The following ADGRG2 variants were observed in gnomAD, a reference collection of about 807,000 sequenced individuals.
ADGRG2 encodes the protein adhesion G protein-coupled receptor G2.
A neutral mutation model predicts 74.1 loss-of-function variants in ADGRG2; 26 were observed. That is an observed-to-expected ratio of 0.35 (90% CI 0.26 to 0.49). ADGRG2 has a LOEUF of 0.49. Ranked by LOEUF, ADGRG2 falls within the 20% of genes least tolerant of loss-of-function variation. ADGRG2 has a pLI of 0.99. For missense variants in ADGRG2, 619 were observed against 763.1 expected, an observed-to-expected ratio of 0.81 and a Z score of 2.22; for synonymous variants, 296 against 295.2, an observed-to-expected ratio of 1.00 and a Z score of -0.03.
rs1030749829 is a variant in ADGRG2, at chrX:18,990,751, A to T, written c.*113T>A. 4.9e-5 allele frequency: 25 copies of T among 512,170 alleles called. No homozygotes were observed. In the Admixed American group the frequency reaches 7.3e-4, roughly 15 times the overall value. 42.2% of individuals were successfully genotyped at this position (512,170 alleles called of 1,213,427 possible). ...GCCCTTAATTAGCTTATGCTTCTCC[A>T]GATGTTGCCGAGAATAAAATGAGTT... On this transcript the variant is annotated 3_prime_UTR_variant, in exon 29 of 29. Transcript: ENST00000379869.
intron 19 of ADGRG2, among the ~76,000 whole-genome samples, chrX:19,007,559 C>A (rs1271533653): frequency 8.9e-6 from 1 of 112,145 alleles, no homozygotes; most frequent in African/African-American, 3.2e-5. Flanking sequence ...AAATACTGAG[C>A]TAAAGCGCAC....
chrX:19,043,666 G>C (rs1184757822), intron 3 of ADGRG2, among the ~76,000 whole-genome samples: 2 of 110,263 alleles, frequency 1.8e-5, no homozygotes, highest in African/African-American at 6.6e-5. Context: ...GCAGGAGTTT[G>C]GCTTAGAATA....
chrX:19,102,910 C>G (rs912035995), intron 1 of ADGRG2, among the ~76,000 whole-genome samples: 1 of 111,606 alleles, frequency 9.0e-6, no homozygotes, highest in African/African-American at 3.3e-5. Context: ...TTAGACCACT[C>G]AATCTATGGT....
intron 1 of ADGRG2, among the ~76,000 whole-genome samples, chrX:19,112,988 CA>C (rs756477082): frequency 0.052 from 3,685 of 71,261 alleles, 204 homozygotes; most frequent in African/African-American, 0.16. Flanking sequence ...AAAAAAAAAC[CA>C]AAAAAAAAAA....
At chrX:19,105,700 C>T (rs760059316) in intron 1 of ADGRG2, among the ~76,000 whole-genome samples, 2 of 110,579 alleles carry the variant, frequency 1.8e-5, no homozygotes, top group Non-Finnish European at 3.8e-5. Context: ...GCACGTTCTG[C>T]ACATGTACCC....
At chrX:19,083,124 C>T (rs1289078949) in intron 1 of ADGRG2, among the ~76,000 whole-genome samples, 4 of 110,390 alleles carry the variant, frequency 3.6e-5, no homozygotes, top group African/African-American at 1.3e-4. Flanking sequence ...TGGCCTCAGC[C>T]TCCTGAGCAG....
chrX:19,083,504 G>C (rs2061888490), intron 1 of ADGRG2, among the ~76,000 whole-genome samples: 1 of 110,837 alleles, frequency 9.0e-6, no homozygotes, highest in African/African-American at 3.3e-5. Context: ...TAAACTCCTT[G>C]ATATCAAGGA....
At position 19,069,205 on chromosome X, in the gene ADGRG2, T is replaced by A. The variant is rs548766757; in HGVS notation, c.-1-370A>T. 6.3e-4 allele frequency among the ~76,000 whole-genome samples: 70 copies of A among 111,483 alleles called. 1 individual carries two copies. In the South Asian group the frequency reaches 9.8e-3, roughly 16 times the overall value. On this transcript the variant is annotated intron_variant, in intron 2 of 28. Coordinates refer to ENST00000379869, the MANE Select transcript of ADGRG2 (RefSeq NM_001079858.3). ...TCTATGTCATTTTTCCTTAAAAAAA[T>A]TTTTTTTTAAAGAGATAGGGTCTCG...
intron 1 of ADGRG2, among the ~76,000 whole-genome samples, chrX:19,085,921 T>C (rs190585253): frequency 3.0e-3 from 339 of 111,364 alleles, no homozygotes; most frequent in African/African-American, 0.01. Flanking sequence ...TCTACCTCAG[T>C]TAGAAAGGCC....
chrX:19,020,997 A>C, intron 14 of ADGRG2, 107 bp downstream of exon 14: 2 of 532,469 alleles, frequency 3.8e-6, no homozygotes, highest in Non-Finnish European at 3.2e-6. Context: ...AAAGGAGTCA[A>C]AACAGAAAGC....
intron 28 of ADGRG2, among the ~76,000 whole-genome samples, chrX:18,994,083 G>A (rs1256934375): frequency 8.9e-6 from 1 of 112,440 alleles, no homozygotes; most frequent in African/African-American, 3.2e-5. Context: ...ACCAATACTG[G>A]TCACAAGTCA....
In ADGRG2 at chrX:19,035,951, T is replaced by C. The variant is rs923044078; in HGVS notation, c.253A>G (p.Asn85Asp). The change falls in exon 7 of 29, where the codon AAC (asparagine) becomes GAC (aspartate). Residue 85 changes from asparagine (N) to aspartate (D), a missense_variant. Transcript: ENST00000379869. ...AATCACTTGATATTACCTGTTTCGT[T>C]TGAAGGGAGTAAGCTTAAAGTAACA... ...NDVTLSLLPS[N>D]ETEKTKITIV... 1 of 990,304 alleles carries C rather than the reference T, an allele frequency of 1.0e-6. No homozygotes were observed. The highest frequency in any genetic ancestry group is 1.4e-6 in the Non-Finnish European group (1 of 705,164). The allele number at this position is 990,304 out of a possible 1,213,427, so 81.6% of individuals were successfully genotyped here.
At chrX:19,069,413 G>A (rs2061617100) in intron 2 of ADGRG2, among the ~76,000 whole-genome samples, 1 of 110,713 alleles carries the variant, frequency 9.0e-6, no homozygotes, top group Non-Finnish European at 1.9e-5. Context: ...TACTGTAAAA[G>A]GATAAGTGAT....
At position 18,998,946 on chromosome X, in the gene ADGRG2, T is replaced by G; in HGVS notation, c.2614+50A>C. The G allele has an allele frequency of 2.9e-6, 3 of 1,031,942 alleles. No individual in the cohort carries two copies. In the South Asian group the frequency reaches 6.6e-5, roughly 23 times the overall value. 85.0% of individuals were successfully genotyped at this position (1,031,942 alleles called of 1,213,427 possible). A position where few individuals can be genotyped will look rare whatever the true frequency, so the allele number is the denominator to read the frequency against. ...CTGTACTCTTTTAGTAGCTACATTT[T>G]TATATTCAACTGGGATCATTCAGTT... On this transcript the variant is annotated intron_variant, in intron 26 of 28. Coordinates refer to ENST00000379869, the MANE Select transcript of ADGRG2 (RefSeq NM_001079858.3).
chrX:19,102,256 T>C (rs950767254), intron 1 of ADGRG2, among the ~76,000 whole-genome samples: 1 of 109,947 alleles, frequency 9.1e-6, no homozygotes, highest in Non-Finnish European at 1.9e-5. Context: ...ACATCACTCA[T>C]AGATGCAAAA....
In ADGRG2 at chrX:19,008,117, G is replaced by A; in HGVS notation, c.1429C>T (p.Leu477=). The A allele has an allele frequency of 8.5e-7, 1 of 1,173,445 alleles. No individual in the cohort carries two copies. The highest frequency in any genetic ancestry group is 1.1e-6 in the Non-Finnish European group (1 of 870,948). The change falls in exon 19 of 29, where the codon CTG becomes TTG. Residue 477 remains leucine, a synonymous_variant. Transcript: ENST00000379869. ...CTGTTCTCAGGAGCTTGGGTTTCCAGAGAAACCTGAAAATCAAGTGGAAGA... is the reference window on the plus strand; with the variant it reads ...CTGTTCTCAGGAGCTTGGGTTTCCAAAGAAACCTGAAAATCAAGTGGAAGA... ...AQDPANLQVS[L]ETQAPENSIG...
intron 1 of ADGRG2, among the ~76,000 whole-genome samples, chrX:19,107,867 G>C (rs894325202): frequency 2.8e-5 from 3 of 108,749 alleles, no homozygotes; most frequent in Middle Eastern, 4.7e-3. Context: ...TTGGGAGGCT[G>C]AGGCGGGCGG....
intron 1 of ADGRG2, among the ~76,000 whole-genome samples, chrX:19,118,714 CA>C (rs2062566364): frequency 8.9e-6 from 1 of 112,012 alleles, no homozygotes; most frequent in African/African-American, 3.2e-5. Flanking sequence ...AGCTCACATA[CA>C]ACATAGCCAT....
At chrX:19,097,541 C>A (rs767327239) in intron 1 of ADGRG2, among the ~76,000 whole-genome samples, 1 of 112,100 alleles carries the variant, frequency 8.9e-6, no homozygotes, top group Non-Finnish European at 1.9e-5. Context: ...TTCTTTAAAC[C>A]AACTCGGAGG....
Sources: gnomAD v4.1 joint callset for allele counts (sites outside exome capture counted in the v4.1 genomes callset) on GRCh38, gnomAD v4.1.1 for gene constraint, MANE v1.5 for transcripts, NCBI Gene and HGNC (gene_info 2026-07-23, HGNC 2026-07-21) for gene names.